Variants in ULK4 observed in about 807,000 individuals in gnomAD.
ULK4 encodes the protein inactive serine/threonine-protein kinase ULK4.
Under a neutral mutation model 160.6 loss-of-function variants are expected in ULK4, and 133 were observed. The observed-to-expected ratio is 0.83, with a 90% CI of 0.72 to 0.96. ULK4 has a LOEUF of 0.96. Among genes scored for constraint, ULK4 ranks in the 40% least tolerant of loss-of-function variants. The pLI is 0.00. For missense variants in ULK4, 1,580 were observed against 1,499.5 expected (o/e 1.05, Z -0.89); for synonymous variants, 534 against 539.8 (o/e 0.99, Z 0.15).
intron 32 of ULK4, among the ~76,000 whole-genome samples, chr3:41,492,447 C>T (rs952711674): frequency 6.6e-6 from 1 of 151,422 alleles, no homozygotes; most frequent in Non-Finnish European, 1.5e-5. Context: ...TGGAAAGGAA[C>T]AACCGGTACC....
At chr3:41,762,823 C>A (rs947539072) in intron 21 of ULK4, among the ~76,000 whole-genome samples, 1 of 151,860 alleles carries the variant, frequency 6.6e-6, no homozygotes, top group Non-Finnish European at 1.5e-5. Flanking sequence ...CAACCATATC[C>A]CACTAATTTT....
At chr3:41,448,497 C>A (rs1464643451) in intron 34 of ULK4, among the ~76,000 whole-genome samples, 1 of 152,106 alleles carries the variant, frequency 6.6e-6, no homozygotes, top group Non-Finnish European at 1.5e-5. Flanking sequence ...ATTTTGTAAG[C>A]CTGTTCAGAA....
Position 41,369,495 on chromosome 3 carries a change from T to TA in ULK4, c.3678+28583dup, listed in dbSNP as rs36119223. 9.1e-4 allele frequency among the ~76,000 whole-genome samples: 132 copies of TA among 145,624 alleles called. 1 individual carries two copies. The highest frequency in any genetic ancestry group is 3.7e-3 in the Middle Eastern group (1 of 272). Reference sequence around the variant, plus strand: ...GGCAAATGGAGTGAGACCCTGTCTTTAAAAAAAAAAAAAATGGCAGAGCAC... The same window carrying TA: ...GGCAAATGGAGTGAGACCCTGTCTTTAAAAAAAAAAAAAAATGGCAGAGCAC... On this transcript the variant is annotated intron_variant, in intron 35 of 36. Coordinates refer to ENST00000301831, the MANE Select transcript of ULK4 (RefSeq NM_017886.4).
At chr3:41,386,769 G>A (rs533562994) in intron 35 of ULK4, among the ~76,000 whole-genome samples, 4 of 152,266 alleles carry the variant, frequency 2.6e-5, no homozygotes, top group East Asian at 1.9e-4. Flanking sequence ...GGAGGAGACC[G>A]CAAGTAAGGA....
chr3:41,636,478 G>A lies in ULK4; in HGVS notation c.3072-20761C>T, dbSNP rs530342742. Among the ~76,000 whole-genome samples the A allele has an allele frequency of 1.5e-4, 22 of 151,380 alleles. No homozygotes were observed. The East Asian group carries it at 3.3e-3, about 23-fold the overall frequency. On this transcript the variant is annotated intron_variant, in intron 30 of 36. Transcript: ENST00000301831. Reference sequence around the variant, plus strand: ...GAGGCTGGGAGGTTAGGGCTGCAGCGAGCCATGATCCTGCCACTGCACTCT... The same window carrying A: ...GAGGCTGGGAGGTTAGGGCTGCAGCAAGCCATGATCCTGCCACTGCACTCT...
At chr3:41,331,284 T>C (rs774325692) in intron 35 of ULK4, among the ~76,000 whole-genome samples, 1 of 152,092 alleles carries the variant, frequency 6.6e-6, no homozygotes, top group African/African-American at 2.4e-5. Context: ...GTAAGAGACA[T>C]TAAGAGAGCA....
intron 16 of ULK4, among the ~76,000 whole-genome samples, chr3:41,892,418 A>C (rs983113061): frequency 2.6e-5 from 4 of 152,270 alleles, no homozygotes; most frequent in African/African-American, 9.6e-5. Context: ...AGCATTGTTC[A>C]CAATAGCCAA....
Position 41,472,096 on chromosome 3 carries a change from GAAA to G in ULK4, c.3227-8846_3227-8844del, listed in dbSNP as rs1324026062. ...AAAAATTGAGAAATCTTTAGACTAA[GAAA>G]AAAAAGAGATGACTCAAATAAATAA... On this transcript the variant is annotated intron_variant, in intron 32 of 36. Transcript: ENST00000301831. 2.7e-5 allele frequency among the ~76,000 whole-genome samples: 4 copies of G among 150,168 alleles called. No homozygotes were observed. The South Asian group carries it at 8.4e-4, about 31-fold the overall frequency.
rs185225815 is a variant in ULK4, at chr3:41,658,724, A to G, written c.3071+4883T>C. The stretch of plus-strand genomic sequence containing the variant: ...CAGCATGCTACTGTGTATGTGAAAA[A>G]CAGTACACACACACACACACACACA... On this transcript the variant is annotated intron_variant, in intron 30 of 36. Coordinates refer to ENST00000301831, the MANE Select transcript of ULK4 (RefSeq NM_017886.4). 2.1e-4 allele frequency among the ~76,000 whole-genome samples: 18 copies of G among 87,800 alleles called. No individual in the cohort carries two copies. The East Asian group carries it at 4.2e-3, about 20-fold the overall frequency. 57.6% of individuals were successfully genotyped at this position (87,800 alleles called of 152,430 possible).
At chr3:41,399,009 G>C (rs898086632) in intron 34 of ULK4, among the ~76,000 whole-genome samples, 1 of 152,006 alleles carries the variant, frequency 6.6e-6, no homozygotes, top group Non-Finnish European at 1.5e-5. Context: ...TGCAGTGAAA[G>C]GACATACCCA....
At chr3:41,856,541 A>ATG (rs1559610941) in intron 17 of ULK4, among the ~76,000 whole-genome samples, 6 of 88,500 alleles carry the variant, frequency 6.8e-5, no homozygotes, top group African/African-American at 1.2e-4. Context: ...ATGTATGTAT[A>ATG]TATATATGTG....
chr3:41,291,288 G>GTATAAGT (rs2079555935), intron 35 of ULK4, among the ~76,000 whole-genome samples: 1 of 150,298 alleles, frequency 6.7e-6, no homozygotes, highest in Admixed American at 6.7e-5. Flanking sequence ...GAAAGAGAGA[G>GTATAAGT]ATAAGTATAA....
At chr3:41,274,368 C>T (rs1349680535) in intron 35 of ULK4, among the ~76,000 whole-genome samples, 1 of 152,128 alleles carries the variant, frequency 6.6e-6, no homozygotes, top group Non-Finnish European at 1.5e-5. Flanking sequence ...TTTTAAGGCT[C>T]CACAGTAACA....
chr3:41,732,188 C>G (rs1032724828), intron 22 of ULK4, among the ~76,000 whole-genome samples: 2 of 151,820 alleles, frequency 1.3e-5, no homozygotes, highest in Non-Finnish European at 2.9e-5. Context: ...AACAGACAGG[C>G]TACAGAATGG....
At chr3:41,799,510 T>C (rs1489544299) in intron 20 of ULK4, among the ~76,000 whole-genome samples, 1 of 152,100 alleles carries the variant, frequency 6.6e-6, no homozygotes, top group Non-Finnish European at 1.5e-5. Context: ...ACACTAAAAA[T>C]ATAACAAACC....
intron 32 of ULK4, among the ~76,000 whole-genome samples, chr3:41,547,901 G>A (rs1020954693): frequency 6.6e-6 from 1 of 152,116 alleles, no homozygotes; most frequent in Admixed American, 6.5e-5. Flanking sequence ...TGGGACAAAC[G>A]GAGCCAAAAC....
chr3:41,829,851 G>A (rs556834550), intron 18 of ULK4, among the ~76,000 whole-genome samples: 238 of 147,474 alleles, frequency 1.6e-3, no homozygotes, highest in Non-Finnish European at 2.5e-3. Context: ...GCACACGTAT[G>A]TTTATTGCGG....
intron 17 of ULK4, among the ~76,000 whole-genome samples, chr3:41,842,279 C>T (rs530405785): frequency 6.6e-6 from 1 of 150,860 alleles, no homozygotes; most frequent in East Asian, 1.9e-4. Context: ...GTACTGCAGC[C>T]TGGGCAACAG....
At chr3:41,607,332 T>C (rs1323143643) in intron 31 of ULK4, among the ~76,000 whole-genome samples, 1 of 152,158 alleles carries the variant, frequency 6.6e-6, no homozygotes. Context: ...GAATATTTTA[T>C]AACCTTTTGA....
Sources: gnomAD v4.1 joint callset for allele counts (sites outside exome capture counted in the v4.1 genomes callset) on GRCh38, gnomAD v4.1.1 for gene constraint, MANE v1.5 for transcripts, NCBI Gene and HGNC (gene_info 2026-07-23, HGNC 2026-07-21) for gene names.